DAB1: variants seen among roughly 807,000 people sequenced by gnomAD.
DAB1 encodes the protein DAB adaptor protein 1.
Under a neutral mutation model 64.6 loss-of-function variants are expected in DAB1, and 15 were observed. The observed-to-expected ratio is 0.23, with a 90% CI of 0.16 to 0.36. The LOEUF (loss-of-function observed/expected upper bound fraction) is 0.36, where lower values mean the gene tolerates loss of function less well. Ranked by LOEUF, DAB1 falls within the 10% of genes least tolerant of loss-of-function variation. The pLI, the probability that DAB1 is intolerant of heterozygous loss-of-function variation, is 1.00. For missense variants in DAB1, 596 were observed against 706.7 expected (o/e 0.84, Z 1.78); for synonymous variants, 235 against 251.9 (o/e 0.93, Z 0.64).
At chr1:57,368,466 C>T (rs112552362) in intron 1 of DAB1, among the ~76,000 whole-genome samples, 180 of 152,246 alleles carry the variant, frequency 1.2e-3, no homozygotes, top group African/African-American at 4.0e-3. Context: ...TCTCTGAGGC[C>T]CATAAAAGCC....
At chr1:57,066,410 C>T (rs901704719) in intron 8 of DAB1, among the ~76,000 whole-genome samples, 1 of 152,080 alleles carries the variant, frequency 6.6e-6, no homozygotes, top group South Asian at 2.1e-4. Context: ...TATTGGGAGG[C>T]TGATAACTTC....
intron 3 of DAB1, among the ~76,000 whole-genome samples, chr1:58,482,157 G>A (rs1645497455): frequency 6.6e-6 from 1 of 152,206 alleles, no homozygotes; most frequent in South Asian, 2.1e-4. Flanking sequence ...TCATCATACT[G>A]AGAAGGGGAG....
At chr1:57,636,407 AT>A (rs751005057) in intron 7 of DAB1, among the ~76,000 whole-genome samples, 7 of 152,148 alleles carry the variant, frequency 4.6e-5, no homozygotes, top group Non-Finnish European at 1.0e-4. Flanking sequence ...GGACTTCAAG[AT>A]GGGTTGTCAT....
rs1557726391 is a variant in DAB1, at chr1:58,300,656, GGA to G, written n.309+42694_309+42695del. ...AGAGAGAGAGAGAGAGAGGAAGGAA[GGA>G]AGGAAGGAAGGAAGGAAGGAAGGAA... is the stretch of plus-strand genomic sequence containing the variant. On this transcript the variant is annotated intron_variant and non_coding_transcript_variant, in intron 4 of 20. Coordinates refer to the DAB1 transcript ENST00000485760. Among the ~76,000 whole-genome samples the G allele has an allele frequency of 3.2e-3, 325 of 102,328 alleles. 4 individuals are homozygous for G. The highest frequency in any genetic ancestry group is 0.013 in the African/African-American group (306 of 22,774). The allele number at this position is 102,328 out of a possible 152,430, so 67.1% of individuals were successfully genotyped here. A position where few individuals can be genotyped will look rare whatever the true frequency, so the allele number is the denominator to read the frequency against.
intron 5 of DAB1, among the ~76,000 whole-genome samples, chr1:58,145,168 G>A (rs1001429777): frequency 1.3e-5 from 2 of 152,344 alleles, no homozygotes; most frequent in East Asian, 1.9e-4. Flanking sequence ...GAATATCCAC[G>A]CAGACATTGC....
At chr1:57,395,708 G>A (rs1056071427) in intron 1 of DAB1, among the ~76,000 whole-genome samples, 1 of 151,730 alleles carries the variant, frequency 6.6e-6, no homozygotes, top group Non-Finnish European at 1.5e-5. Context: ...ATTAATTTAA[G>A]TTTAAATAGC....
intron 4 of DAB1, among the ~76,000 whole-genome samples, chr1:57,096,612 C>T (rs192020841): frequency 7.2e-5 from 11 of 152,228 alleles, no homozygotes; most frequent in African/African-American, 2.2e-4. Flanking sequence ...TAGGTCAGCT[C>T]CTCTCAGGTG....
intron 5 of DAB1, among the ~76,000 whole-genome samples, chr1:57,982,691 T>G (rs1449778672): frequency 3.9e-5 from 6 of 152,210 alleles, no homozygotes; most frequent in African/African-American, 1.4e-4. Flanking sequence ...CTATCATAAC[T>G]AAGTCGGATG....
chr1:57,175,348 A>T (rs906643946), intron 2 of DAB1, among the ~76,000 whole-genome samples: 1 of 149,090 alleles, frequency 6.7e-6, no homozygotes, highest in Non-Finnish European at 1.5e-5. Context: ...CTGACAAACT[A>T]CAGGTTCCAA....
intron 4 of DAB1, among the ~76,000 whole-genome samples, chr1:58,207,791 T>C (rs910631034): frequency 2.6e-5 from 4 of 151,892 alleles, no homozygotes; most frequent in Admixed American, 1.3e-4. Context: ...ACATATTTCA[T>C]GAAAAAAAAT....
At chr1:57,058,699 C>T (rs1157834914) in intron 9 of DAB1, among the ~76,000 whole-genome samples, 1 of 152,196 alleles carries the variant, frequency 6.6e-6, no homozygotes, top group African/African-American at 2.4e-5. Context: ...TTTCACATCA[C>T]CATTACATAG....
At chr1:57,093,126 G>T (rs1280313487) in intron 4 of DAB1, among the ~76,000 whole-genome samples, 1 of 152,180 alleles carries the variant, frequency 6.6e-6, no homozygotes, top group Admixed American at 6.5e-5. Flanking sequence ...AGTAGAGCTG[G>T]TCCTAGGTTC....
intron 5 of DAB1, among the ~76,000 whole-genome samples, chr1:57,987,649 C>T (rs1308924452): frequency 6.6e-6 from 1 of 152,128 alleles, no homozygotes; most frequent in East Asian, 1.9e-4. Flanking sequence ...TAAAGGTGCT[C>T]AGCTCTGAAA....
intron 5 of DAB1, chr1:58,056,356 C>T (rs370812259): frequency 2.8e-5 from 45 of 1,587,470 alleles, no homozygotes; most frequent in African/African-American, 8.0e-5. Context: ...CACTATGTTT[C>T]GAATGACGAA....
At chr1:58,445,495 T>C (rs764449839) in intron 3 of DAB1, among the ~76,000 whole-genome samples, 43 of 152,196 alleles carry the variant, frequency 2.8e-4, no homozygotes, top group Admixed American at 1.1e-3. Flanking sequence ...GGCTGAGGCC[T>C]TCTCTGGCCT....
At chr1:57,155,347 T>C (rs1208211608) in intron 2 of DAB1, among the ~76,000 whole-genome samples, 2 of 152,170 alleles carry the variant, frequency 1.3e-5, no homozygotes, top group Non-Finnish European at 2.9e-5. Context: ...GGTGTGTTGA[T>C]TTGTTTCTGG....
At chr1:57,316,618 CAAAAAGAAA>C (rs1166619243) in intron 1 of DAB1, among the ~76,000 whole-genome samples, 1 of 150,768 alleles carries the variant, frequency 6.6e-6, no homozygotes, top group African/African-American at 2.4e-5. Flanking sequence ...TCGGATGTCT[CAAAAAGAAA>C]AAAAAGAAAA....
At chr1:58,306,493 C>T (rs113847999) in intron 4 of DAB1, among the ~76,000 whole-genome samples, 3,001 of 152,166 alleles carry the variant, frequency 0.02, 104 homozygotes, top group African/African-American at 0.068. Context: ...CTCACCTCTG[C>T]GACCACTTGC....
At chr1:58,529,152 A>G (rs1288575873) in intron 1 of DAB1, among the ~76,000 whole-genome samples, 1 of 152,196 alleles carries the variant, frequency 6.6e-6, no homozygotes, top group Admixed American at 6.5e-5. Context: ...CTTTACTTCA[A>G]TATAAATGAA....
Sources: gnomAD v4.1 joint callset for allele counts (sites outside exome capture counted in the v4.1 genomes callset) on GRCh38, gnomAD v4.1.1 for gene constraint, MANE v1.5 for transcripts, NCBI Gene and HGNC (gene_info 2026-07-23, HGNC 2026-07-21) for gene names.